Variants in ADGRB3 observed in about 807,000 individuals in gnomAD.
ADGRB3 encodes the protein adhesion G protein-coupled receptor B3, also known as brain-specific angiogenesis inhibitor 3.
A neutral mutation model predicts 193.4 loss-of-function variants in ADGRB3; 37 were observed. The observed-to-expected ratio is 0.19, with a 90% confidence interval of 0.15 to 0.25. The LOEUF is 0.25. Among genes scored for constraint, ADGRB3 ranks in the 10% least tolerant of loss-of-function variants. The pLI, the probability that ADGRB3 is intolerant of heterozygous loss-of-function variation, is 1.00. For synonymous variants in ADGRB3, 690 were observed against 644.2 expected, an observed-to-expected ratio of 1.07 and a Z score of -1.08; for missense variants, 1,637 against 1,852.9, an observed-to-expected ratio of 0.88 and a Z score of 2.14.
At chr6:68,783,421 A>G (rs1428223844) in intron 3 of ADGRB3, among the ~76,000 whole-genome samples, 3 of 151,200 alleles carry the variant, frequency 2.0e-5, no homozygotes, top group Admixed American at 6.6e-5. Flanking sequence ...GCAGTAGCCA[A>G]TTCCTTCCAG....
At chr6:69,158,435 C>CAAAA (rs371530711) in intron 17 of ADGRB3, among the ~76,000 whole-genome samples, 19 of 146,318 alleles carry the variant, frequency 1.3e-4, no homozygotes, top group South Asian at 4.3e-4. Context: ...AAAGTTCAGC[C>CAAAA]AAAAAAAAAA....
chr6:68,798,060 G>C (rs1767244506), intron 3 of ADGRB3, among the ~76,000 whole-genome samples: 2 of 152,182 alleles, frequency 1.3e-5, no homozygotes, highest in South Asian at 4.1e-4. Context: ...TTCATTACCA[G>C]ATGAGTTTTA....
rs571515614 is a variant in ADGRB3 at position 68,967,164 on chromosome 6, T to TC, written c.1526-7597dup. On this transcript the variant is annotated intron_variant, in intron 8 of 31. Transcript: ENST00000370598. The stretch of plus-strand genomic sequence containing the variant: ...ATAATTTGTGTAGTGGATTTCTGTC[T>TC]CCAAGAAGCACAATGAATCCAAGGC... 9.2e-5 allele frequency among the ~76,000 whole-genome samples: 14 copies of TC among 152,314 alleles called. No individual in the cohort carries two copies. In the East Asian group the frequency reaches 2.5e-3, roughly 27 times the overall value.
chr6:69,120,234 T>A (rs544914490), intron 17 of ADGRB3, among the ~76,000 whole-genome samples: 4 of 152,336 alleles, frequency 2.6e-5, no homozygotes, highest in Non-Finnish European at 5.9e-5. Context: ...CTGCATTGCT[T>A]ATTGAAATGT....
At chr6:69,367,878 C>A (rs988644230) in intron 29 of ADGRB3, among the ~76,000 whole-genome samples, 4 of 151,474 alleles carry the variant, frequency 2.6e-5, no homozygotes, top group African/African-American at 7.3e-5. Flanking sequence ...CATCATTCTC[C>A]GTAAACTATC....
intron 17 of ADGRB3, among the ~76,000 whole-genome samples, chr6:69,180,622 A>G (rs1360148721): frequency 1.3e-5 from 2 of 152,218 alleles, no homozygotes; most frequent in African/African-American, 4.8e-5. Context: ...TACACAGACC[A>G]GTTCCAGGTT....
chr6:68,722,638 T>G (rs1371526144), intron 3 of ADGRB3, among the ~76,000 whole-genome samples: 1 of 151,376 alleles, frequency 6.6e-6, no homozygotes, highest in African/African-American at 2.4e-5. Flanking sequence ...ATCAGGTTAC[T>G]TCTTTTTCCA....
At chr6:68,982,150 C>T (rs547863365) in intron 10 of ADGRB3, among the ~76,000 whole-genome samples, 2 of 152,186 alleles carry the variant, frequency 1.3e-5, no homozygotes, top group Admixed American at 1.3e-4. Flanking sequence ...TCCCAAAGTA[C>T]ATTTATAACT....
At chr6:69,096,511 T>C (rs2150319515) in intron 17 of ADGRB3, among the ~76,000 whole-genome samples, 1 of 152,228 alleles carries the variant, frequency 6.6e-6, no homozygotes, top group African/African-American at 2.4e-5. Context: ...AATAAAAACT[T>C]CCCTGAATAT....
At chr6:68,657,789 C>G (rs1768526191) in intron 3 of ADGRB3, among the ~76,000 whole-genome samples, 1 of 151,334 alleles carries the variant, frequency 6.6e-6, no homozygotes, top group Non-Finnish European at 1.5e-5. Context: ...TTGTATAGAT[C>G]TTTGCTTAAT....
At chr6:68,738,173 C>A (rs1375014458) in intron 3 of ADGRB3, among the ~76,000 whole-genome samples, 1 of 152,012 alleles carries the variant, frequency 6.6e-6, no homozygotes, top group Non-Finnish European at 1.5e-5. Context: ...AAAAGCATTG[C>A]TGGGAATTTG....
intron 3 of ADGRB3, among the ~76,000 whole-genome samples, chr6:68,745,242 T>A (rs1230311965): frequency 6.6e-6 from 1 of 152,192 alleles, no homozygotes; most frequent in Non-Finnish European, 1.5e-5. Flanking sequence ...GGTGTATACA[T>A]ACAATGGAAT....
intron 17 of ADGRB3, among the ~76,000 whole-genome samples, chr6:69,151,336 T>A (rs1582501281): frequency 6.6e-6 from 1 of 152,182 alleles, no homozygotes; most frequent in South Asian, 2.1e-4. Context: ...ATGTTCCTTC[T>A]GTGGGCATCA....
chr6:69,030,577 G>A (rs1166561026), intron 13 of ADGRB3, among the ~76,000 whole-genome samples: 1 of 152,060 alleles, frequency 6.6e-6, no homozygotes, highest in East Asian at 1.9e-4. Flanking sequence ...AGAACACATG[G>A]ACACAGGGAG....
intron 20 of ADGRB3, among the ~76,000 whole-genome samples, chr6:69,284,175 G>GCCT (rs1223673639): frequency 6.6e-6 from 1 of 152,142 alleles, no homozygotes; most frequent in African/African-American, 2.4e-5. Flanking sequence ...CCTTCACCTT[G>GCCT]CCTGGCAGTG....
intron 3 of ADGRB3, among the ~76,000 whole-genome samples, chr6:68,692,669 A>G (rs1486295346): frequency 6.6e-6 from 1 of 151,754 alleles, no homozygotes; most frequent in Non-Finnish European, 1.5e-5. Flanking sequence ...TCAAACAACC[A>G]CTTTAAAATA....
At chr6:68,825,002 A>G (rs939087662) in intron 3 of ADGRB3, among the ~76,000 whole-genome samples, 8 of 151,856 alleles carry the variant, frequency 5.3e-5, no homozygotes, top group Non-Finnish European at 1.2e-4. Context: ...CTTCAGGTGC[A>G]TGCCACCACA....
At chr6:69,094,152 T>C (rs1772796711) in intron 17 of ADGRB3, among the ~76,000 whole-genome samples, 1 of 152,066 alleles carries the variant, frequency 6.6e-6, no homozygotes, top group African/African-American at 2.4e-5. Context: ...CAGACTTTGG[T>C]GGACAACTGG....
intron 16 of ADGRB3, among the ~76,000 whole-genome samples, chr6:69,064,652 T>TAA: frequency 6.6e-6 from 1 of 151,754 alleles, no homozygotes; most frequent in Non-Finnish European, 1.5e-5. Context: ...AGAGATTAAT[T>TAA]CTCTGTATCA....
Sources: allele counts gnomAD v4.1 joint callset (sites outside exome capture counted in the v4.1 genomes callset), GRCh38; gene constraint gnomAD v4.1.1; transcripts MANE v1.5; gene names NCBI Gene and HGNC (gene_info 2026-07-23, HGNC 2026-07-21).